The following UCK2 variants were observed in gnomAD, a reference collection of about 807,000 sequenced individuals.
UCK2 encodes the protein uridine-cytidine kinase 2.
In UCK2, 6 loss-of-function variants were observed where a neutral mutation model predicts 30.8. The ratio of observed to expected loss-of-function variants is 0.19; its 90% CI spans 0.11 to 0.38. The LOEUF (loss-of-function observed/expected upper bound fraction) is 0.38. Among genes scored for constraint, UCK2 ranks in the 10% least tolerant of loss-of-function variants. The probability of loss-of-function intolerance (pLI) is 1.00; values close to 1 mark genes in which losing one functional copy is unlikely to be tolerated. For missense variants in UCK2, 210 were observed against 339.8 expected (o/e 0.62, Z 3.00); for synonymous variants, 125 against 133.6 (o/e 0.94, Z 0.45).
intron 1 of UCK2, among the ~76,000 whole-genome samples, chr1:165,839,573 G>A (rs1463365035): frequency 6.6e-6 from 1 of 152,150 alleles, no homozygotes; most frequent in Non-Finnish European, 1.5e-5. Context: ...GCTTTATAAT[G>A]TGTCCACTTC....
intron 3 of UCK2, among the ~76,000 whole-genome samples, chr1:165,892,381 C>A (rs1260649310): frequency 6.6e-6 from 1 of 152,056 alleles, no homozygotes; most frequent in African/African-American, 2.4e-5. Context: ...AAATAGTCCC[C>A]ACTGACTCTA....
At chr1:165,854,512 AGTAGGGAACTGG>A (rs1654679153) in intron 1 of UCK2, among the ~76,000 whole-genome samples, 2 of 152,080 alleles carry the variant, frequency 1.3e-5, no homozygotes, top group Non-Finnish European at 2.9e-5. Flanking sequence ...TGACCAGTGT[AGTAGGGAACTGG>A]GTCCCACTTC....
chr1:165,889,687 C>CT (rs1655714783), intron 1 of UCK2, among the ~76,000 whole-genome samples: 1 of 128,492 alleles, frequency 7.8e-6, no homozygotes, highest in Non-Finnish European at 1.6e-5. Context: ...TCTCCGTTAG[C>CT]CTTTTTTTTT....
intron 1 of UCK2, among the ~76,000 whole-genome samples, chr1:165,886,883 T>C (rs4657489): frequency 0.2 from 29,787 of 152,050 alleles, 3,342 homozygotes; most frequent in South Asian, 0.42. Context: ...TCAACAGTTA[T>C]CCGGATTTTT....
chr1:165,894,354 C>T (rs549630471), intron 3 of UCK2: 66 of 152,234 alleles, frequency 4.3e-4, no homozygotes, highest in African/African-American at 1.4e-3. Flanking sequence ...GAGAGTGGCT[C>T]ACTATTTCAC....
In UCK2 at chr1:165,901,292, C is replaced by T. The variant is rs10918306; in HGVS notation, c.500-1890C>T. Among the ~76,000 whole-genome samples the T allele has an allele frequency of 7.2e-3, 1,096 of 152,310 alleles. 15 individuals are homozygous for T. The highest frequency in any genetic ancestry group is 0.024 in the African/African-American group (1,013 of 41,562). On this transcript the variant is annotated intron_variant, in intron 4 of 6. Transcript: ENST00000367879. ...AGAAAACACTTCGTAAATCGAGGAG[C>T]TGTTACAAAAGTCGAATGGCAGCAT... is the stretch of plus-strand genomic sequence containing the variant.
intron 1 of UCK2, among the ~76,000 whole-genome samples, chr1:165,828,230 G>C (rs1202397298): frequency 6.6e-6 from 1 of 152,190 alleles, no homozygotes; most frequent in East Asian, 1.9e-4. Context: ...TCCTATGGGG[G>C]AAGGGCAGGG....
In UCK2 at chr1:165,896,512, G is replaced by A. The variant is rs568674727; in HGVS notation, c.499+180G>A. Among the ~76,000 whole-genome samples the A allele has an allele frequency of 5.1e-4, 77 of 152,344 alleles. No individual in the cohort carries two copies. In the South Asian group the frequency reaches 0.015, roughly 30 times the overall value. On this transcript the variant is annotated intron_variant, in intron 4 of 6. Transcript: ENST00000367879. Reference sequence around the variant, plus strand: ...CAGCCCCAGGATATCCTGCTGCCCAGACACTTGGTAACATTTGAGAAGGGA... The same window carrying A: ...CAGCCCCAGGATATCCTGCTGCCCAAACACTTGGTAACATTTGAGAAGGGA...
chr1:165,911,502 C>G lies in UCK2; in HGVS notation c.*3679C>G, dbSNP rs1647857684. 1 of 152,158 alleles carries G rather than the reference C, an allele frequency of 6.6e-6. No individual in the cohort carries two copies. Among genetic ancestry groups the G allele is most frequent in the Non-Finnish European group, 1.5e-5 (1 of 68,044 alleles). 9.4% of individuals were successfully genotyped at this position (152,158 alleles called of 1,614,324 possible). On this transcript the variant is annotated 3_prime_UTR_variant, in exon 7 of 7. Transcript: ENST00000367879. ...TACAGACTTAGGCTTTTTTTTCCCC[C>G]CTTTTAAGATGCTTGCTCCTCTCCC... is the stretch of plus-strand genomic sequence containing the variant.
intron 3 of UCK2, chr1:165,895,737 G>A (rs904444871): frequency 2.4e-5 from 19 of 799,116 alleles, no homozygotes; most frequent in African/African-American, 1.3e-4. Context: ...CAGGACTGGC[G>A]GGGAGGGGAT....
At chr1:165,872,746 A>G (rs935379581) in intron 1 of UCK2, among the ~76,000 whole-genome samples, 2 of 152,234 alleles carry the variant, frequency 1.3e-5, no homozygotes, top group Non-Finnish European at 2.9e-5. Flanking sequence ...ATAATCTTTG[A>G]GATATATAAG....
At chr1:165,846,038 T>C (rs1002891638) in intron 1 of UCK2, among the ~76,000 whole-genome samples, 1 of 152,174 alleles carries the variant, frequency 6.6e-6, no homozygotes, top group African/African-American at 2.4e-5. Context: ...ATGCTTGTAA[T>C]TCCAGTGCTT....
At position 165,862,163 on chromosome 1, in the gene UCK2, T is replaced by C. The variant is rs559695870; in HGVS notation, c.100-28041T>C. On this transcript the variant is annotated intron_variant, in intron 1 of 6. Transcript: ENST00000367879. Reference sequence around the variant, plus strand: ...GCTCTCATCAATCTCTTTGTTCATATGCACAGGCTCTTAATCTCTGTTTTC... The same window carrying C: ...GCTCTCATCAATCTCTTTGTTCATACGCACAGGCTCTTAATCTCTGTTTTC... Among the ~76,000 whole-genome samples the C allele has an allele frequency of 1.1e-4, 17 of 152,332 alleles. No individual in the cohort carries two copies. The East Asian group carries it at 2.7e-3, about 24-fold the overall frequency.
At chr1:165,900,254 G>A (rs1325195659) in intron 4 of UCK2, 1 of 152,226 alleles carries the variant, frequency 6.6e-6, no homozygotes, top group Non-Finnish European at 1.5e-5. Context: ...TTCTGTTGTG[G>A]TCGTAATCAT....
At chr1:165,846,278 G>T (rs986493199) in intron 1 of UCK2, among the ~76,000 whole-genome samples, 1 of 152,190 alleles carries the variant, frequency 6.6e-6, no homozygotes, top group African/African-American at 2.4e-5. Flanking sequence ...CTCCAACATT[G>T]GCAGTAGAGT....
chr1:165,883,040 G>A (rs1655538179), intron 1 of UCK2, among the ~76,000 whole-genome samples: 1 of 152,110 alleles, frequency 6.6e-6, no homozygotes, highest in African/African-American at 2.4e-5. Flanking sequence ...TGGCCAGGAT[G>A]GTCTTGATCT....
chr1:165,864,389 A>G (rs1178725524), intron 1 of UCK2, among the ~76,000 whole-genome samples: 1 of 152,254 alleles, frequency 6.6e-6, no homozygotes, highest in Non-Finnish European at 1.5e-5. Context: ...ATGATATTTC[A>G]GAAACAAATG....
intron 1 of UCK2, among the ~76,000 whole-genome samples, chr1:165,836,245 C>CA (rs1449300914): frequency 8.0e-5 from 12 of 150,006 alleles, no homozygotes; most frequent in Admixed American, 2.6e-4. Context: ...AAAAACAAAA[C>CA]AAAAAAAACA....
intron 3 of UCK2, 181 bp downstream of exon 3, chr1:165,891,503 G>C: frequency 1.7e-6 from 1 of 594,676 alleles, no homozygotes; most frequent in East Asian, 2.9e-5. Flanking sequence ...GGATTGTAGA[G>C]GTTGGGGAGT....
Sources: gnomAD v4.1 joint callset for allele counts (sites outside exome capture counted in the v4.1 genomes callset) on GRCh38, gnomAD v4.1.1 for gene constraint, MANE v1.5 for transcripts, NCBI Gene and HGNC (gene_info 2026-07-23, HGNC 2026-07-21) for gene names.